TTC28: variants seen among roughly 807,000 people sequenced by gnomAD.
TTC28 encodes tetratricopeptide repeat protein 28.
A neutral mutation model predicts 198.0 loss-of-function variants in TTC28; 61 were observed. That is an observed-to-expected ratio of 0.31 (90% CI 0.25 to 0.38). The LOEUF (loss-of-function observed/expected upper bound fraction) is 0.38, where lower values mean the gene tolerates loss of function less well. Ranked by LOEUF, TTC28 falls within the 10% of genes least tolerant of loss-of-function variation. TTC28 has a pLI of 1.00. For synonymous variants in TTC28, 1,171 were observed against 1,297.8 expected, an observed-to-expected ratio of 0.90 and a Z score of 2.10; for missense variants, 2,678 against 3,164.0, an observed-to-expected ratio of 0.85 and a Z score of 3.69.
intron 2 of TTC28, among the ~76,000 whole-genome samples, chr22:28,551,518 A>C (rs147846329): frequency 7.2e-5 from 11 of 152,346 alleles, no homozygotes; most frequent in African/African-American, 2.6e-4. Flanking sequence ...AGCATATCAA[A>C]AAGATAATCC....
chr22:28,143,712 A>G (rs1362618025), intron 6 of TTC28, among the ~76,000 whole-genome samples: 2 of 152,234 alleles, frequency 1.3e-5, no homozygotes, highest in East Asian at 3.8e-4. Context: ...TATTACAAAC[A>G]TATTTAGAAG....
intron 6 of TTC28, among the ~76,000 whole-genome samples, chr22:28,123,002 G>C (rs1942825842): frequency 6.6e-6 from 1 of 152,172 alleles, no homozygotes; most frequent in Non-Finnish European, 1.5e-5. Context: ...GAAGGATGTA[G>C]ACAAAGAAAC....
intron 2 of TTC28, among the ~76,000 whole-genome samples, chr22:28,542,755 T>C (rs1333570034): frequency 6.6e-6 from 1 of 152,074 alleles, no homozygotes; most frequent in African/African-American, 2.4e-5. Context: ...AAACACAATA[T>C]ATCAACATTT....
At chr22:28,284,518 G>T (rs1258250765) in intron 5 of TTC28, among the ~76,000 whole-genome samples, 1 of 151,788 alleles carries the variant, frequency 6.6e-6, no homozygotes, top group Non-Finnish European at 1.5e-5. Flanking sequence ...TAAGCAAATG[G>T]GACTACATCA....
Position 28,108,073 on chromosome 22 carries a change from T to C in TTC28, c.1772A>G (p.Gln591Arg), listed in dbSNP as rs1942373692. 1 of 1,551,592 alleles carries C rather than the reference T, an allele frequency of 6.4e-7. No individual in the cohort carries two copies. Residue 591 changes from glutamine to arginine, a missense_variant, in exon 7 of 23, where the codon CAG becomes CGG. Around this residue, in one of 8 missense-constraint regions of TTC28, gnomAD observed 775 missense variants for 845.9 expected, o/e 0.92. Coordinates refer to ENST00000397906, the MANE Select transcript of TTC28 (RefSeq NM_001145418.2). The stretch of plus-strand genomic sequence containing the variant: ...GTTGCTGAGGGCCCGGGCCTCGCTC[T>C]GGATGTCTCGTAGCTCCCGGGCGAT... ...LNIARELRDI[Q>R]SEARALSNLG...
chr22:28,039,625 A>T lies in TTC28; in HGVS notation c.3933-9259T>A, dbSNP rs5762460. 3.0e-3 allele frequency among the ~76,000 whole-genome samples: 450 copies of T among 152,300 alleles called. 16 individuals are homozygous for T. In the East Asian group the frequency reaches 0.05, roughly 17 times the overall value. On this transcript the variant is annotated intron_variant, in intron 12 of 22. Coordinates refer to ENST00000397906, the MANE Select transcript of TTC28 (RefSeq NM_001145418.2). ...CATGGCACATGTATACATATGTAACAAACCTGCACGTTGTGCACATGTACC... is the reference window on the plus strand; with the variant it reads ...CATGGCACATGTATACATATGTAACTAACCTGCACGTTGTGCACATGTACC...
At chr22:28,618,403 C>T (rs1179038541) in intron 2 of TTC28, among the ~76,000 whole-genome samples, 2 of 151,924 alleles carry the variant, frequency 1.3e-5, no homozygotes, top group Non-Finnish European at 2.9e-5. Flanking sequence ...AAAACCAGGC[C>T]GGGTGCAGTG....
chr22:28,417,187 G>A (rs2047179240), intron 2 of TTC28, among the ~76,000 whole-genome samples: 1 of 150,612 alleles, frequency 6.6e-6, no homozygotes, highest in Admixed American at 6.6e-5. Context: ...CTAGGGGTTT[G>A]AGACCAGCCT....
At chr22:28,312,263 G>C (rs1196088295) in intron 2 of TTC28, among the ~76,000 whole-genome samples, 5 of 152,018 alleles carry the variant, frequency 3.3e-5, no homozygotes, top group Non-Finnish European at 5.9e-5. Flanking sequence ...CACAATAATA[G>C]TGGGAGACTT....
chr22:28,468,759 G>A (rs1270797542), intron 2 of TTC28, among the ~76,000 whole-genome samples: 2 of 142,380 alleles, frequency 1.4e-5, no homozygotes, highest in Non-Finnish European at 3.0e-5. Context: ...GGATGGTCTC[G>A]ATCTCCTGAC....
intron 2 of TTC28, among the ~76,000 whole-genome samples, chr22:28,450,876 C>CTTCGTTTT (rs2047768362): frequency 6.6e-6 from 1 of 152,090 alleles, no homozygotes; most frequent in South Asian, 2.1e-4. Context: ...ATAAGCAAAA[C>CTTCGTTTT]GAATGACATG....
chr22:28,325,629 G>C (rs1381132103), intron 2 of TTC28, among the ~76,000 whole-genome samples: 3 of 152,026 alleles, frequency 2.0e-5, no homozygotes, highest in African/African-American at 7.2e-5. Context: ...ACAAAGAATT[G>C]TGAAAACTTA....
chr22:28,553,116 T>C (rs1212306169), intron 2 of TTC28, among the ~76,000 whole-genome samples: 3 of 152,206 alleles, frequency 2.0e-5, no homozygotes, highest in African/African-American at 7.2e-5. Flanking sequence ...TGGAGTGCAG[T>C]GGCGTGATCT....
At chr22:28,561,144 G>A (rs2049870620) in intron 2 of TTC28, among the ~76,000 whole-genome samples, 1 of 146,024 alleles carries the variant, frequency 6.8e-6, no homozygotes, top group Non-Finnish European at 1.5e-5. Flanking sequence ...CGCAATCTAG[G>A]CTCACTGCAA....
At chr22:27,991,730 G>T (rs1038734047) in intron 19 of TTC28, among the ~76,000 whole-genome samples, 1 of 152,194 alleles carries the variant, frequency 6.6e-6, no homozygotes, top group African/African-American at 2.4e-5. Context: ...GTCCCCCCAG[G>T]GGCTTGGTCC....
At chr22:28,014,160 T>C (rs1428160775) in intron 14 of TTC28, 88 bp downstream of exon 14, 46 of 1,423,254 alleles carry the variant, frequency 3.2e-5, no homozygotes, top group Non-Finnish European at 2.9e-5. Flanking sequence ...GAGCCCATTT[T>C]GGTGTCTAAG....
chr22:27,989,742 C>T, intron 21 of TTC28, 136 bp downstream of exon 21: 1 of 1,205,752 alleles, frequency 8.3e-7, no homozygotes, highest in South Asian at 1.6e-5. Flanking sequence ...CCACTGTACC[C>T]AGCCTGAGTT....
intron 1 of TTC28, among the ~76,000 whole-genome samples, chr22:28,658,934 TCA>T (rs1276770782): frequency 1.3e-5 from 2 of 151,670 alleles, no homozygotes; most frequent in Non-Finnish European, 2.9e-5. Context: ...GAGGTGGAGG[TCA>T]CAGTGAGCCA....
At chr22:28,674,946 A>T (rs1018742125) in intron 1 of TTC28, among the ~76,000 whole-genome samples, 43 of 152,224 alleles carry the variant, frequency 2.8e-4, no homozygotes, top group African/African-American at 9.9e-4. Flanking sequence ...CCAGTCTTGA[A>T]AAAGAACACA....
Sources: gnomAD v4.1 joint callset for allele counts (sites outside exome capture counted in the v4.1 genomes callset) on GRCh38, gnomAD v4.1.1 for gene constraint, gnomAD v4.1.1 regional missense constraint, MANE v1.5 for transcripts, NCBI Gene and HGNC (gene_info 2026-07-23, HGNC 2026-07-21) for gene names.